Variants in ESRRG observed in about 807,000 individuals in gnomAD.
ESRRG encodes the protein estrogen-related receptor gamma.
In ESRRG, 13 loss-of-function variants were observed where a neutral mutation model predicts 44.0. The observed-to-expected ratio is 0.30, with a 90% CI of 0.19 to 0.47. ESRRG has a LOEUF of 0.47. Among genes scored for constraint, ESRRG ranks in the 20% least tolerant of loss-of-function variants. The pLI is 1.00. For synonymous variants in ESRRG, 215 were observed against 214.6 expected, an observed-to-expected ratio of 1.00 and a Z score of -0.02; for missense variants, 395 against 580.6, an observed-to-expected ratio of 0.68 and a Z score of 3.29.
chr1:216,668,056 C>T (rs1427572342), intron 2 of ESRRG, among the ~76,000 whole-genome samples: 1 of 152,050 alleles, frequency 6.6e-6, no homozygotes, highest in African/African-American at 2.4e-5. Context: ...AAGATCACAC[C>T]ATTGCACTCC....
At position 216,883,644 on chromosome 1, in the gene ESRRG, C is replaced by G. The variant is rs1329560677; in HGVS notation, c.-14+55938G>C. The stretch of plus-strand genomic sequence containing the variant: ...ATGTCTTCCTGCTCCAACATGAGGT[C>G]CCTGCAGTATAAGGTTTCATCAGAG... On this transcript the variant is annotated intron_variant, in intron 2 of 7. Coordinates refer to the ESRRG transcript ENST00000359162. Among the ~76,000 whole-genome samples the G allele has an allele frequency of 5.9e-5, 9 of 152,158 alleles. No individual in the cohort carries two copies. In the East Asian group the frequency reaches 1.7e-3, roughly 30 times the overall value.
At chr1:216,933,524 A>G (rs986584541) in intron 2 of ESRRG, among the ~76,000 whole-genome samples, 4 of 152,314 alleles carry the variant, frequency 2.6e-5, no homozygotes, top group Non-Finnish European at 2.9e-5. Context: ...AGCTACCAAC[A>G]TGACATGGTG....
chr1:216,930,580 T>C (rs1035024297), intron 2 of ESRRG, among the ~76,000 whole-genome samples: 6 of 152,210 alleles, frequency 3.9e-5, no homozygotes, highest in Non-Finnish European at 8.8e-5. Context: ...GTTAAAGACC[T>C]GGAAACTGCA....
At position 216,912,262 on chromosome 1, in the gene ESRRG, A is replaced by G. The variant is rs184512857; in HGVS notation, c.-14+27320T>C. 2.9e-3 allele frequency among the ~76,000 whole-genome samples: 104 copies of G among 36,018 alleles called. 4 individuals are homozygous for G. The highest frequency in any genetic ancestry group is 0.028 in the South Asian group (27 of 980). The allele number at this position is 36,018 out of a possible 152,430, so 23.6% of individuals were successfully genotyped here. ...AGAGGAGAGGAGAGGAGAGGAGAGG[A>G]GAGGGGAGGGGAGGAGAGGGGAGGA... On this transcript the variant is annotated intron_variant, in intron 2 of 7. Transcript: ENST00000359162.
chr1:217,118,779 G>A (rs139239304), intron 1 of ESRRG, among the ~76,000 whole-genome samples: 1 of 151,952 alleles, frequency 6.6e-6, no homozygotes, highest in Non-Finnish European at 1.5e-5. Flanking sequence ...ATCACTTGAG[G>A]CCAGGAGCTT....
rs138738611 is a variant in ESRRG, at chr1:216,732,802, C to A, written c.-13-55311G>T. Among the ~76,000 whole-genome samples the A allele has an allele frequency of 4.0e-3, 570 of 143,608 alleles. 4 individuals carry two copies. Among genetic ancestry groups the A allele is most frequent in the African/African-American group, 0.013 (512 of 38,162 alleles). 94.2% of individuals were successfully genotyped at this position (143,608 alleles called of 152,430 possible). On this transcript the variant is annotated intron_variant, in intron 2 of 7. Transcript: ENST00000359162. ...CTGTCTATGAATAGCCACTGAACTC[C>A]AGCCTGCAAACATAGTGGAACTCCA...
intron 3 of ESRRG, among the ~76,000 whole-genome samples, chr1:216,635,864 C>A (rs1386952237): frequency 6.6e-6 from 1 of 152,078 alleles, no homozygotes; most frequent in African/African-American, 2.4e-5. Context: ...AAAATTCCAG[C>A]AAGATGACAT....
At chr1:216,770,329 A>G (rs1377119452) in intron 2 of ESRRG, among the ~76,000 whole-genome samples, 2 of 152,136 alleles carry the variant, frequency 1.3e-5, no homozygotes, top group East Asian at 3.9e-4. Context: ...CATGTAAGAA[A>G]AGGAAGAGAC....
intron 1 of ESRRG, among the ~76,000 whole-genome samples, chr1:217,127,025 T>C (rs941032817): frequency 1.9e-4 from 29 of 152,238 alleles, no homozygotes; most frequent in African/African-American, 6.8e-4. Context: ...GAAAAATCTC[T>C]GCCTAAAAGA....
intron 2 of ESRRG, among the ~76,000 whole-genome samples, chr1:216,728,507 C>T (rs574067998): frequency 2.8e-5 from 4 of 140,416 alleles, no homozygotes; most frequent in Admixed American, 7.2e-5. Flanking sequence ...AGGAAGGTGG[C>T]GGGGGCGGGT....
intron 1 of ESRRG, among the ~76,000 whole-genome samples, chr1:217,113,048 C>A (rs946835238): frequency 6.6e-6 from 1 of 152,092 alleles, no homozygotes; most frequent in East Asian, 1.9e-4. Flanking sequence ...TTAAGAGAAT[C>A]GTATTGATAG....
At chr1:216,984,972 C>G (rs763035883) in intron 1 of ESRRG, among the ~76,000 whole-genome samples, 2 of 152,094 alleles carry the variant, frequency 1.3e-5, no homozygotes, top group African/African-American at 4.8e-5. Context: ...TACAAATCAC[C>G]AGTGTATGTA....
rs556685079 is a variant in ESRRG, at chr1:216,933,436, A to G, written c.-14+6146T>C. On this transcript the variant is annotated intron_variant, in intron 2 of 7. Coordinates refer to the ESRRG transcript ENST00000359162. ...AATTTTAAGAACTGGCTCTCAAATG[A>G]AAAAAAAAAAAATTCGTTTGAAAAT... 8.3e-5 allele frequency among the ~76,000 whole-genome samples: 12 copies of G among 145,176 alleles called. No homozygotes were observed. In the East Asian group the frequency reaches 2.4e-3, roughly 30 times the overall value.
chr1:216,558,710 C>A (rs2030059), intron 5 of ESRRG, among the ~76,000 whole-genome samples: 62,788 of 151,818 alleles, frequency 0.41, 13,235 homozygotes, highest in Middle Eastern at 0.47. Flanking sequence ...ACTTACAAAA[C>A]ATTACTCAAT....
intron 3 of ESRRG, among the ~76,000 whole-genome samples, chr1:216,608,886 A>G (rs2060263125): frequency 1.3e-5 from 2 of 152,234 alleles, no homozygotes; most frequent in Non-Finnish European, 2.9e-5. Flanking sequence ...ATCTAGAGTA[A>G]TATAGCTAAA....
chr1:216,848,181 T>C (rs1425252297), intron 2 of ESRRG, among the ~76,000 whole-genome samples: 1 of 152,016 alleles, frequency 6.6e-6, no homozygotes, highest in Admixed American at 6.6e-5. Flanking sequence ...GAATGGCAAC[T>C]CAAAGGCAGA....
intron 2 of ESRRG, among the ~76,000 whole-genome samples, chr1:216,767,285 G>A (rs528162456): frequency 3.9e-5 from 6 of 151,932 alleles, no homozygotes; most frequent in Admixed American, 2.6e-4. Flanking sequence ...ACACACACAC[G>A]CAAAGGAGTG....
intron 1 of ESRRG, among the ~76,000 whole-genome samples, chr1:217,065,179 G>A (rs940601721): frequency 1.3e-5 from 2 of 152,224 alleles, no homozygotes; most frequent in Non-Finnish European, 2.9e-5. Flanking sequence ...TATATTTCTA[G>A]TGATTTGTGA....
At chr1:217,075,469 TC>T (rs2091154320) in intron 1 of ESRRG, among the ~76,000 whole-genome samples, 1 of 152,066 alleles carries the variant, frequency 6.6e-6, no homozygotes. Flanking sequence ...ACACTTTTAG[TC>T]CTATCTTTCA....
Sources: allele counts gnomAD v4.1 joint callset (sites outside exome capture counted in the v4.1 genomes callset), GRCh38; gene constraint gnomAD v4.1.1; transcripts MANE v1.5; gene names NCBI Gene and HGNC (gene_info 2026-07-23, HGNC 2026-07-21).